The following ATG101 variants were observed in gnomAD, a reference collection of about 807,000 sequenced individuals.
ATG101 encodes autophagy related 101.
Under a neutral mutation model 16.7 loss-of-function variants are expected in ATG101, and 6 were observed. The observed-to-expected ratio is 0.36, with a 90% CI of 0.20 to 0.71. The LOEUF (loss-of-function observed/expected upper bound fraction) is 0.71. Among genes scored for constraint, ATG101 ranks in the 30% least tolerant of loss-of-function variants. The pLI is 0.57. For missense variants in ATG101, 200 were observed against 292.5 expected, an observed-to-expected ratio of 0.68 and a Z score of 2.31; for synonymous variants, 108 against 118.1, an observed-to-expected ratio of 0.91 and a Z score of 0.56.
At chr12:52,067,876 G>A (rs954569173), upstream of ATG101, among the ~76,000 whole-genome samples, 9 of 151,248 alleles carry the variant, frequency 6.0e-5, no homozygotes, top group Admixed American at 3.3e-4. Context: ...GATTACAGGC[G>A]TGAGCCACCA....
rs1939746081 is a variant in ATG101, at chr12:52,077,154, C to T, written c.621C>T (p.Thr207=). The T allele has an allele frequency of 2.5e-6, 4 of 1,614,076 alleles. No individual in the cohort carries two copies. Among genetic ancestry groups the T allele is most frequent in the Non-Finnish European group, 3.4e-6 (4 of 1,179,940 alleles). The part of the protein sequence containing the change: ...TDALGTSVTT[T]MRRLIKDTLA... ...CCCTGGGCACCTCAGTCACCACCAC[C>T]ATGCGCAGGCTCATCAAAGACACCC... Residue 207 remains threonine (T), a synonymous_variant, in exon 4 of 4, where the codon ACC becomes ACT. Coordinates refer to ENST00000336854, the MANE Select transcript of ATG101 (RefSeq NM_021934.5).
At chr12:52,069,255 G>A (rs1350759431), upstream of ATG101, 1 of 152,252 alleles carries the variant, frequency 6.6e-6, no homozygotes, top group African/African-American at 2.4e-5. Context: ...GATGAGTGAT[G>A]TTGAGGGTCA....
At chr12:52,072,165 A>C (rs949358660) in intron 2 of ATG101, among the ~76,000 whole-genome samples, 1 of 152,162 alleles carries the variant, frequency 6.6e-6, no homozygotes, top group Non-Finnish European at 1.5e-5. Context: ...TCAGCCCTCA[A>C]CCCTTTCAAG....
In ATG101 at chr12:52,077,407, G is replaced by A. The variant is rs930213323; in HGVS notation, c.*217G>A. Reference sequence around the variant, plus strand: ...GTCCTGCCTCTACTGTCTCTCCATAGCCCTGGTGGGGTCCCCCTTCTTTCT... The same window carrying A: ...GTCCTGCCTCTACTGTCTCTCCATAACCCTGGTGGGGTCCCCCTTCTTTCT... On this transcript the variant is annotated 3_prime_UTR_variant, in exon 4 of 4. Transcript: ENST00000336854. The A allele has an allele frequency of 3.3e-6, 2 of 598,738 alleles. No individual in the cohort carries two copies. Among genetic ancestry groups the A allele is most frequent in the East Asian group, 2.8e-5 (1 of 35,442 alleles). The allele number at this position is 598,738 out of a possible 1,614,324, so 37.1% of individuals were successfully genotyped here.
At chr12:52,069,869 A>G (rs1188808412), upstream of ATG101, 4 of 152,112 alleles carry the variant, frequency 2.6e-5, no homozygotes, top group East Asian at 5.8e-4. Flanking sequence ...GACTACGCGG[A>G]TGTTGTGGGC....
At position 52,070,016 on chromosome 12, in the gene ATG101, C is replaced by G. The variant is rs1174778741; in HGVS notation, c.-433C>G. On this transcript the variant is annotated 5_prime_UTR_variant, in exon 1 of 4. Coordinates refer to ENST00000336854, the MANE Select transcript of ATG101 (RefSeq NM_021934.5). ...AGCCTCCGACCCAGGTGGTCTGGAG[C>G]CTGCCGGGAGAGTGGTGGCATCTGA... The G allele has an allele frequency of 1.3e-5, 2 of 152,438 alleles. No individual in the cohort carries two copies. The highest frequency in any genetic ancestry group is 4.8e-5 in the African/African-American group (2 of 41,436). 9.4% of individuals were successfully genotyped at this position (152,438 alleles called of 1,614,324 possible).
intron 2 of ATG101, among the ~76,000 whole-genome samples, chr12:52,072,310 C>T (rs781163765): frequency 1.3e-5 from 2 of 152,208 alleles, no homozygotes; most frequent in Non-Finnish European, 2.9e-5. Flanking sequence ...CGTTTTCAAC[C>T]ACTATTCTAC....
intron 2 of ATG101, among the ~76,000 whole-genome samples, chr12:52,072,861 C>T (rs1939672038): frequency 6.6e-6 from 1 of 152,098 alleles, no homozygotes; most frequent in African/African-American, 2.4e-5. Context: ...CAGCCTCAGC[C>T]TCCCACATTT....
Position 52,073,882 on chromosome 12 carries a change from A to G in ATG101, c.232A>G (p.Lys78Glu). 1 of 1,614,044 alleles carries G rather than the reference A, an allele frequency of 6.2e-7. No individual in the cohort carries two copies. Among genetic ancestry groups the G allele is most frequent in the Middle Eastern group, 1.6e-4 (1 of 6,062 alleles). Residue 78 changes from lysine (K) to glutamate (E), a missense_variant, in exon 3 of 4, where the codon AAG becomes GAG. By Grantham distance (56) the Lys-to-Glu change is moderately conservative. Transcript: ENST00000336854. The part of the protein sequence containing the change: ...SSEELDRALR[K>E]VVGEFKDALR... ...TGAGGAACTGGATCGTGCCCTGCGC[A>G]AGGTTGTTGGGGAGTTCAAGGTAAG...
At chr12:52,071,951 C>T (rs948065124) in intron 2 of ATG101, among the ~76,000 whole-genome samples, 4 of 152,178 alleles carry the variant, frequency 2.6e-5, no homozygotes, top group African/African-American at 9.7e-5. Context: ...AGCTCCCTCT[C>T]CCTCTGGGCA....
In ATG101 at chr12:52,077,323, C is replaced by G. The variant is rs955234235; in HGVS notation, c.*133C>G. 2.0e-5 allele frequency: 21 copies of G among 1,074,558 alleles called. No individual in the cohort carries two copies. In the Admixed American group the frequency reaches 5.6e-4, roughly 29 times the overall value. The allele number at this position is 1,074,558 out of a possible 1,614,324, so 66.6% of individuals were successfully genotyped here. ...ACTTGGAAGGGGCAGCCCCCGCTGG[C>G]TTCTTGGTTTTGTGGTTGCCAGCCT... is the stretch of plus-strand genomic sequence containing the variant. On this transcript the variant is annotated 3_prime_UTR_variant, in exon 4 of 4. Transcript: ENST00000336854.
intron 3 of ATG101, 49 bp downstream of exon 3, chr12:52,073,951 AG>A (rs201925801): frequency 0.035 from 55,379 of 1,598,194 alleles, 1,228 homozygotes; most frequent in South Asian, 0.079. Flanking sequence ...AGCAGATGGC[AG>A]GGGGGCCTCG....
intron 3 of ATG101, among the ~76,000 whole-genome samples, chr12:52,074,383 C>T (rs1258153300): frequency 2.0e-5 from 3 of 152,170 alleles, no homozygotes; most frequent in Admixed American, 6.5e-5. Context: ...GGGACACGGC[C>T]GGCTGCTGCT....
At chr12:52,074,598 C>T (rs939871485) in intron 3 of ATG101, among the ~76,000 whole-genome samples, 1 of 151,932 alleles carries the variant, frequency 6.6e-6, no homozygotes, top group African/African-American at 2.4e-5. Flanking sequence ...GCAGTCCTTC[C>T]ACTGCAGCCT....
chr12:52,068,990 C>CAAAAAA (rs869030833), upstream of ATG101, among the ~76,000 whole-genome samples: 454 of 33,504 alleles, frequency 0.014, 60 homozygotes, highest in East Asian at 0.018. Flanking sequence ...GACGCCGTCT[C>CAAAAAA]AAAAAAAAAA....
Position 52,077,281 on chromosome 12 carries a change from T to C in ATG101, c.*91T>C. 7.0e-7 allele frequency: 1 copy of C among 1,418,624 alleles called. No homozygotes were observed. Among genetic ancestry groups the C allele is most frequent in the Non-Finnish European group, 9.6e-7 (1 of 1,047,086 alleles). The allele number at this position is 1,418,624 out of a possible 1,614,324, so 87.9% of individuals were successfully genotyped here. On this transcript the variant is annotated 3_prime_UTR_variant, in exon 4 of 4. Coordinates refer to ENST00000336854, the MANE Select transcript of ATG101 (RefSeq NM_021934.5). ...TGGGCCTTTGGGCTCTGGAACCTGC[T>C]CTGGGTCATTGGTGAGACTTGGAAG...
upstream of ATG101, among the ~76,000 whole-genome samples, chr12:52,068,330 A>T (rs1045843325): frequency 6.6e-6 from 1 of 151,106 alleles, no homozygotes; most frequent in Non-Finnish European, 1.5e-5. Context: ...CCGGGATTAC[A>T]GGCATGAGCC....
intron 2 of ATG101, among the ~76,000 whole-genome samples, chr12:52,072,530 C>T (rs772287101): frequency 3.9e-5 from 6 of 152,154 alleles, no homozygotes; most frequent in East Asian, 1.9e-4. Flanking sequence ...AACTGACTTC[C>T]GTGCCCAGCC....
chr12:52,072,731 A>G (rs1443570586), intron 2 of ATG101, among the ~76,000 whole-genome samples: 2 of 149,598 alleles, frequency 1.3e-5, no homozygotes, highest in African/African-American at 4.9e-5. Context: ...CCCTTTAGCC[A>G]AAGGTACTTG....
Sources: gnomAD v4.1 joint callset for allele counts (sites outside exome capture counted in the v4.1 genomes callset) on GRCh38, gnomAD v4.1.1 for gene constraint, MANE v1.5 for transcripts, NCBI Gene and HGNC (gene_info 2026-07-23, HGNC 2026-07-21) for gene names.